Variants in MEGF10 observed in about 807,000 individuals in gnomAD.
The protein encoded by MEGF10 is multiple epidermal growth factor-like domains protein 10.
MEGF10 carries 86 observed loss-of-function variants against 147.5 expected under a neutral mutation model. That is an observed-to-expected ratio of 0.58 (90% CI 0.49 to 0.70). The LOEUF (loss-of-function observed/expected upper bound fraction) is 0.70, where lower values mean the gene tolerates loss of function less well. Ranked by LOEUF, MEGF10 falls within the 30% of genes least tolerant of loss-of-function variation. The pLI is 0.00. For missense variants in MEGF10, 1,329 were observed against 1,487.3 expected (o/e 0.89, Z 1.75); for synonymous variants, 478 against 525.5 (o/e 0.91, Z 1.24).
At chr5:127,237,330 G>A in the MEGF10 span, among the ~76,000 whole-genome samples, 7 of 151,906 alleles carry the variant, frequency 4.6e-5, no homozygotes, top group African/African-American at 7.3e-5. Context: ...CTGTCTATAC[G>A]AAAAATACAA....
chr5:127,429,965 C>T (rs1765340823), intron 13 of MEGF10, among the ~76,000 whole-genome samples: 1 of 152,168 alleles, frequency 6.6e-6, no homozygotes, highest in Non-Finnish European at 1.5e-5. Context: ...CTTGGCTGCC[C>T]AGATGTCTCA....
In MEGF10 at chr5:127,402,130, C is replaced by T. The variant is rs559270424; in HGVS notation, c.781-416C>T. Among the ~76,000 whole-genome samples the T allele has an allele frequency of 1.0e-3, 154 of 152,248 alleles. 1 individual carries two copies. The highest frequency in any genetic ancestry group is 1.8e-3 in the Non-Finnish European group (123 of 68,004). ...GTAAAGCATTTGGATATTCCATGTG[C>T]GGCAGATGTTGCCATTTATGTAACG... On this transcript the variant is annotated intron_variant, in intron 7 of 24. Transcript: ENST00000503335.
chr5:127,381,907 A>G (rs1453577585), intron 5 of MEGF10, among the ~76,000 whole-genome samples: 3 of 152,174 alleles, frequency 2.0e-5, no homozygotes, highest in Non-Finnish European at 2.9e-5. Context: ...CTGACCTCAA[A>G]TGATCCACCC....
the MEGF10 span, among the ~76,000 whole-genome samples, chr5:127,275,109 G>T: frequency 1.9e-3 from 286 of 152,288 alleles, 2 homozygotes; most frequent in African/African-American, 6.6e-3. Flanking sequence ...TCATTATATT[G>T]TGTTAAATAG....
the MEGF10 span, among the ~76,000 whole-genome samples, chr5:127,249,365 G>A: frequency 2.1e-4 from 28 of 131,862 alleles, no homozygotes; most frequent in African/African-American, 9.0e-4. Flanking sequence ...GAAGAAGAAG[G>A]AGGAGGAGGA....
At chr5:127,334,311 T>G (rs890702542) in intron 2 of MEGF10, among the ~76,000 whole-genome samples, 13 of 152,106 alleles carry the variant, frequency 8.5e-5, no homozygotes, top group African/African-American at 2.9e-4. Context: ...AGGTTACTTC[T>G]CAGACTGTGG....
chr5:127,325,885 GTGTA>G (rs1561572217), intron 1 of MEGF10, among the ~76,000 whole-genome samples: 6 of 66,602 alleles, frequency 9.0e-5, no homozygotes, highest in African/African-American at 3.4e-4. Flanking sequence ...ATGTGTGTGT[GTGTA>G]TATATATATA....
the MEGF10 span, among the ~76,000 whole-genome samples, chr5:127,247,467 G>GAAGAAGAAGAAGAAGAAGAAGAAC: frequency 8.5e-6 from 1 of 117,140 alleles, no homozygotes; most frequent in African/African-American, 3.7e-5. Flanking sequence ...AGAAGAAGAA[G>GAAGAAGAAGAAGAAGAAGAAGAAC]AAGAAGAAGA....
intron 5 of MEGF10, among the ~76,000 whole-genome samples, chr5:127,394,821 A>G (rs944048203): frequency 2.0e-5 from 3 of 152,180 alleles, no homozygotes; most frequent in Non-Finnish European, 4.4e-5. Context: ...TTTAGGTTCA[A>G]TAATTCTCTC....
chr5:127,288,522 G>C (rs771532791), upstream of MEGF10, among the ~76,000 whole-genome samples: 8 of 152,046 alleles, frequency 5.3e-5, no homozygotes, highest in Non-Finnish European at 1.0e-4. Context: ...GTAAGGAAAC[G>C]CAAATTAAAA....
intron 9 of MEGF10, 25 bp from the exon 10 acceptor site, chr5:127,417,613 T>C (rs1268051421): frequency 3.1e-6 from 5 of 1,613,730 alleles, no homozygotes; most frequent in Non-Finnish European, 4.2e-6. Flanking sequence ...CAAAGTGACT[T>C]ATTCCTTTCA....
At chr5:127,418,485 G>A (rs1487079931) in intron 10 of MEGF10, among the ~76,000 whole-genome samples, 1 of 152,232 alleles carries the variant, frequency 6.6e-6, no homozygotes, top group East Asian at 1.9e-4. Flanking sequence ...TCACAGAGCT[G>A]AGAGGATCTT....
At chr5:127,305,748 G>T (rs1217618283) in intron 1 of MEGF10, among the ~76,000 whole-genome samples, 1 of 152,188 alleles carries the variant, frequency 6.6e-6, no homozygotes, top group Non-Finnish European at 1.5e-5. Flanking sequence ...AGCCACCGGG[G>T]ATGGTTTAGA....
chr5:127,264,574 C>A, the MEGF10 span, among the ~76,000 whole-genome samples: 1 of 152,058 alleles, frequency 6.6e-6, no homozygotes, highest in East Asian at 1.9e-4. Context: ...TCTGTGTCTT[C>A]GTTCTGCTTT....
chr5:127,237,214 C>T, the MEGF10 span, among the ~76,000 whole-genome samples: 8 of 152,170 alleles, frequency 5.3e-5, no homozygotes, highest in South Asian at 1.0e-3. Flanking sequence ...TATTTAACTT[C>T]GGCCAGGCGT....
chr5:127,443,442 A>G (rs1468869766), intron 19 of MEGF10, among the ~76,000 whole-genome samples: 2 of 152,084 alleles, frequency 1.3e-5, no homozygotes, highest in African/African-American at 4.8e-5. Flanking sequence ...ATTTTTTTTC[A>G]GCTTTATTGA....
intron 22 of MEGF10, among the ~76,000 whole-genome samples, chr5:127,452,544 A>C (rs1766193066): frequency 6.6e-6 from 1 of 152,152 alleles, no homozygotes; most frequent in Admixed American, 6.5e-5. Flanking sequence ...GAACTCACTG[A>C]ATGGGCATTC....
chr5:127,449,096 C>T lies in MEGF10; in HGVS notation c.2857-3C>T. The T allele has an allele frequency of 6.2e-7, 1 of 1,613,804 alleles. No homozygotes were observed. ...AATCTTTCGTTGTTTATATTTTTAA[C>T]AGTCAAAAAACAATCAACTGTTTGT... On this transcript the variant is annotated splice_region_variant and splice_polypyrimidine_tract_variant and intron_variant, in intron 21 of 24. Coordinates refer to ENST00000503335, the MANE Select transcript of MEGF10 (RefSeq NM_001256545.2).
chr5:127,424,652 G>T, intron 13 of MEGF10: 1 of 1,010,098 alleles, frequency 9.9e-7, no homozygotes, highest in Non-Finnish European at 1.2e-6. Context: ...AACAGGCTAA[G>T]GCTGGTGCAA....
Sources: allele counts gnomAD v4.1 joint callset (sites outside exome capture counted in the v4.1 genomes callset), GRCh38; gene constraint gnomAD v4.1.1; transcripts MANE v1.5; gene names NCBI Gene and HGNC (gene_info 2026-07-23, HGNC 2026-07-21).